Variants in ADCY1 observed in about 807,000 individuals in gnomAD.
ADCY1 encodes adenylate cyclase 1, also known as adenylate cyclase type 1.
ADCY1 carries 28 observed loss-of-function variants against 105.4 expected under a neutral mutation model. The ratio of observed to expected loss-of-function variants is 0.27; its 90% confidence interval spans 0.20 to 0.36. The LOEUF (loss-of-function observed/expected upper bound fraction) is 0.36, where lower values mean the gene tolerates loss of function less well. Among genes scored for constraint, ADCY1 ranks in the 10% least tolerant of loss-of-function variants. ADCY1 has a pLI of 1.00. For missense variants in ADCY1, 977 were observed against 1,434.2 expected (o/e 0.68, Z 5.15); for synonymous variants, 655 against 623.8 (o/e 1.05, Z -0.75).
At chr7:45,629,837 G>A (rs1008920894) in intron 4 of ADCY1, among the ~76,000 whole-genome samples, 24 of 152,164 alleles carry the variant, frequency 1.6e-4, no homozygotes, top group African/African-American at 5.8e-4. Flanking sequence ...AACTTTTTAT[G>A]AAACAGACAC....
intron 3 of ADCY1, among the ~76,000 whole-genome samples, chr7:45,613,148 A>C (rs1043735303): frequency 3.3e-5 from 5 of 152,264 alleles, no homozygotes; most frequent in Non-Finnish European, 5.9e-5. Flanking sequence ...AATTTACCTG[A>C]TAGACAATTT....
chr7:45,668,105 T>C (rs1271152258), intron 8 of ADCY1, among the ~76,000 whole-genome samples: 1 of 152,206 alleles, frequency 6.6e-6, no homozygotes, highest in Non-Finnish European at 1.5e-5. Context: ...CTTTGCCTAA[T>C]TGAATACCCT....
chr7:45,648,984 A>T (rs1794743221), intron 5 of ADCY1, among the ~76,000 whole-genome samples, 187 bp downstream of exon 5: 1 of 152,214 alleles, frequency 6.6e-6, no homozygotes, highest in South Asian at 2.1e-4. Context: ...AAAGCATGAA[A>T]GGATGCTTCC....
At chr7:45,670,828 C>T (rs1012694812) in intron 8 of ADCY1, among the ~76,000 whole-genome samples, 3 of 151,762 alleles carry the variant, frequency 2.0e-5, no homozygotes, top group East Asian at 1.9e-4. Flanking sequence ...TCGTCTGCCC[C>T]GACTTAAGGC....
At chr7:45,665,940 G>C (rs1562715045) in intron 8 of ADCY1, among the ~76,000 whole-genome samples, 1 of 152,156 alleles carries the variant, frequency 6.6e-6, no homozygotes, top group African/African-American at 2.4e-5. Context: ...CTTTGTAGTG[G>C]AATTGCTGGG....
At chr7:45,649,214 A>T (rs1321854686) in intron 5 of ADCY1, among the ~76,000 whole-genome samples, 2 of 152,206 alleles carry the variant, frequency 1.3e-5, no homozygotes, top group Non-Finnish European at 2.9e-5. Context: ...TGGGTCTCAG[A>T]TGCTCTCTGT....
At chr7:45,695,251 G>A (rs1216613746) in intron 14 of ADCY1, among the ~76,000 whole-genome samples, 1 of 152,154 alleles carries the variant, frequency 6.6e-6, no homozygotes, top group African/African-American at 2.4e-5. Flanking sequence ...GTTGCTTGTA[G>A]GAGGGCAAAT....
chr7:45,703,344 G>T lies in ADCY1; in HGVS notation c.2455-32G>T, dbSNP rs1785038105. ...GGAACAAGTGAAGGCAGCGTGAGTG[G>T]ATGGGACTAATGGAGGCTCATGATA... On this transcript the variant is annotated intron_variant, in intron 14 of 19. Coordinates refer to ENST00000297323, the MANE Select transcript of ADCY1 (RefSeq NM_021116.4). The surrounding 1 kb of genome is among the most constrained non-coding windows in gnomAD (Gnocchi z 5.9). The T allele has an allele frequency of 6.2e-7, 1 of 1,602,380 alleles. No individual in the cohort carries two copies. The highest frequency in any genetic ancestry group is 1.7e-5 in the Admixed American group (1 of 59,986).
intron 4 of ADCY1, among the ~76,000 whole-genome samples, chr7:45,635,598 C>CTTTT (rs1554322107): frequency 1.3e-4 from 4 of 31,424 alleles, no homozygotes; most frequent in African/African-American, 5.7e-4. Context: ...TCTAATTTCT[C>CTTTT]TTGTTTTTTT....
intron 4 of ADCY1, among the ~76,000 whole-genome samples, chr7:45,624,772 A>G (rs1244990968): frequency 6.6e-6 from 1 of 152,090 alleles, no homozygotes; most frequent in African/African-American, 2.4e-5. Flanking sequence ...CCACCCCTTC[A>G]GCAGGAAGCT....
intron 2 of ADCY1, among the ~76,000 whole-genome samples, chr7:45,604,933 G>T (rs1159381917): frequency 6.6e-6 from 1 of 152,114 alleles, no homozygotes; most frequent in Non-Finnish European, 1.5e-5. Flanking sequence ...TCTTTACTAA[G>T]TTGAGTCTTC....
rs370206726 is a variant in ADCY1, at chr7:45,700,103, G to A, written c.2455-3273G>A. Reference sequence around the variant, plus strand: ...GAGAGAAGCCACTGGCATCCATTCCGGGGAGACTCACTGGGTCAGGGCATG... The same window carrying A: ...GAGAGAAGCCACTGGCATCCATTCCAGGGAGACTCACTGGGTCAGGGCATG... On this transcript the variant is annotated intron_variant, in intron 14 of 19. Transcript: ENST00000297323. Among the ~76,000 whole-genome samples the A allele has an allele frequency of 1.4e-3, 220 of 152,238 alleles. 1 individual carries two copies. Among genetic ancestry groups the A allele is most frequent in the African/African-American group, 5.0e-3 (209 of 41,546 alleles).
chr7:45,604,963 G>A lies in ADCY1; in HGVS notation c.790-5416G>A, dbSNP rs999990375. Among the ~76,000 whole-genome samples, 83 of 152,222 alleles carry A rather than the reference G, an allele frequency of 5.5e-4. 1 individual carries two copies. Among genetic ancestry groups the A allele is most frequent in the African/African-American group, 1.9e-3 (81 of 41,554 alleles). ...GTCTTCCAATCCATGAACATGGTAT[G>A]TCTCTCCATTTATTTAGATCTTCTC... On this transcript the variant is annotated intron_variant, in intron 2 of 19. Coordinates refer to ENST00000297323, the MANE Select transcript of ADCY1 (RefSeq NM_021116.4).
At chr7:45,602,777 C>T (rs762174177) in intron 2 of ADCY1, among the ~76,000 whole-genome samples, 3 of 152,116 alleles carry the variant, frequency 2.0e-5, no homozygotes, top group Non-Finnish European at 4.4e-5. Flanking sequence ...ATGCTTTTTC[C>T]TATAGAGTTA....
At chr7:45,690,440 G>A (rs1039073034) in intron 14 of ADCY1, among the ~76,000 whole-genome samples, 7 of 152,178 alleles carry the variant, frequency 4.6e-5, no homozygotes, top group African/African-American at 1.4e-4. Flanking sequence ...ACCTTCAGCC[G>A]GGAGACGCAG....
At chr7:45,669,326 T>G (rs1379179687) in intron 8 of ADCY1, among the ~76,000 whole-genome samples, 1 of 152,244 alleles carries the variant, frequency 6.6e-6, no homozygotes. Flanking sequence ...TCTGGTATGT[T>G]GTATCTTTGT....
At position 45,591,190 on chromosome 7, in the gene ADCY1, C is replaced by G. The variant is rs1484740727; in HGVS notation, c.640-1569C>G. 6.6e-6 allele frequency among the ~76,000 whole-genome samples: 1 copy of G among 152,188 alleles called. No homozygotes were observed. The highest frequency in any genetic ancestry group is 1.5e-5 in the Non-Finnish European group (1 of 68,038). ...AGGTGCTCCAAATCTGTCCTCTCCC[C>G]TCCCTGTGGCCCCTGCCCCTGGTCA... On this transcript the variant is annotated intron_variant, in intron 1 of 19. Transcript: ENST00000297323. This position sits in a 1 kb window ranked among gnomAD's most constrained non-coding sequence, Gnocchi z 4.1.
chr7:45,703,029 GC>G lies in ADCY1; in HGVS notation c.2455-346del, dbSNP rs1785030594. On this transcript the variant is annotated intron_variant, in intron 14 of 19. Coordinates refer to ENST00000297323, the MANE Select transcript of ADCY1 (RefSeq NM_021116.4). This position sits in a 1 kb window ranked among gnomAD's most constrained non-coding sequence, Gnocchi z 5.9. Reference sequence around the variant, plus strand: ...GGGGCACATCAGGAGCTGCCTGGGGGCTGGTGGAGCCTGTGGATGGGCACAT... The same window carrying G: ...GGGGCACATCAGGAGCTGCCTGGGGGTGGTGGAGCCTGTGGATGGGCACAT... 6.6e-6 allele frequency among the ~76,000 whole-genome samples: 1 copy of G among 152,248 alleles called. No individual in the cohort carries two copies. The highest frequency in any genetic ancestry group is 1.5e-5 in the Non-Finnish European group (1 of 68,042).
chr7:45,662,416 T>G (rs1795130151), intron 8 of ADCY1, among the ~76,000 whole-genome samples: 1 of 152,224 alleles, frequency 6.6e-6, no homozygotes, highest in African/African-American at 2.4e-5. Context: ...CTCCTTGGCA[T>G]TCTTTGTATT....
Sources: gnomAD v4.1 joint callset for allele counts (sites outside exome capture counted in the v4.1 genomes callset) on GRCh38, gnomAD v4.1.1 for gene constraint, Gnocchi (gnomAD v3.1) non-coding constraint, MANE v1.5 for transcripts, NCBI Gene and HGNC (gene_info 2026-07-23, HGNC 2026-07-21) for gene names.